Variants in DHCR24 observed in about 807,000 individuals in gnomAD.
DHCR24 encodes 24-dehydrocholesterol reductase.
DHCR24 carries 28 observed loss-of-function variants against 61.2 expected under a neutral mutation model. The observed-to-expected ratio is 0.46, with a 90% confidence interval of 0.34 to 0.63. The LOEUF (loss-of-function observed/expected upper bound fraction) is 0.63, where lower values mean the gene tolerates loss of function less well. Among genes scored for constraint, DHCR24 ranks in the 20% least tolerant of loss-of-function variants. DHCR24 has a pLI of 0.01. For missense variants in DHCR24, 538 were observed against 679.1 expected (o/e 0.79, Z 2.31); for synonymous variants, 261 against 275.9 (o/e 0.95, Z 0.54).
chr1:54,853,314 C>G, intron 8 of DHCR24, 120 bp downstream of exon 8: 4 of 1,330,444 alleles, frequency 3.0e-6, no homozygotes, highest in East Asian at 4.9e-5. Context: ...TGCAGGGGCC[C>G]TAAGGAACCA....
intron 4 of DHCR24, among the ~76,000 whole-genome samples, chr1:54,872,392 C>G (rs1163478133): frequency 6.6e-6 from 1 of 152,080 alleles, no homozygotes; most frequent in African/African-American, 2.4e-5. Flanking sequence ...AAAGAAAGCT[C>G]TTTTGAAAAA....
chr1:54,853,801 C>T (rs1239577890), intron 7 of DHCR24, among the ~76,000 whole-genome samples, 189 bp from the exon 8 acceptor site: 1 of 152,104 alleles, frequency 6.6e-6, no homozygotes, highest in African/African-American at 2.4e-5. Flanking sequence ...CCTTGGAGGA[C>T]ACAATCGGAG....
chr1:54,875,535 T>C (rs1647022228), intron 3 of DHCR24, among the ~76,000 whole-genome samples: 1 of 151,090 alleles, frequency 6.6e-6, no homozygotes, highest in Non-Finnish European at 1.5e-5. Flanking sequence ...AAAAGGGGGG[T>C]TGAAGGGGTG....
rs577403761 is a variant in DHCR24 at position 54,853,188 on chromosome 1, G to GT, written c.1397+245_1397+246insA. 7.9e-5 allele frequency among the ~76,000 whole-genome samples: 12 copies of GT among 152,120 alleles called. No homozygotes were observed. In the East Asian group the frequency reaches 2.3e-3, roughly 29 times the overall value. Reference sequence around the variant, plus strand: ...AGGTTTCTGGCTGGGGCTGCTGGGGGGGTGTGACATGTTCACTGGAGGAGG... The same window carrying GT: ...AGGTTTCTGGCTGGGGCTGCTGGGGGTGGTGTGACATGTTCACTGGAGGAGG... On this transcript the variant is annotated intron_variant, in intron 8 of 8. Coordinates refer to ENST00000371269, the MANE Select transcript of DHCR24 (RefSeq NM_014762.4).
intron 5 of DHCR24, among the ~76,000 whole-genome samples, chr1:54,866,046 T>C (rs1021026273): frequency 1.3e-5 from 2 of 152,182 alleles, no homozygotes; most frequent in Non-Finnish European, 2.9e-5. Context: ...TCTATTGAGC[T>C]GATGTCTCCT....
At position 54,871,612 on chromosome 1, in the gene DHCR24, G is replaced by A. The variant is rs1237235917; in HGVS notation, c.614C>T (p.Ser205Phe). 2.5e-6 allele frequency: 4 copies of A among 1,614,198 alleles called. No individual in the cohort carries two copies. The highest frequency in any genetic ancestry group is 3.4e-6 in the Non-Finnish European group (4 of 1,180,030). Residue 205 changes from serine (S) to phenylalanine (F), a missense_variant and splice_region_variant, in exon 5 of 9, where the codon TCC becomes TTC. Transcript: ENST00000371269. ...ADGSFVRCTP[S>F]ENSDLFYAVP... ...GGCATAGAACAGGTCTGAGTTTTCG[G>A]ACTGTGAGACAGAATTGATGTGTTG...
chr1:54,853,604 G>A lies in DHCR24; in HGVS notation c.1227C>T (p.Pro409=). 1 of 1,613,710 alleles carries A rather than the reference G, an allele frequency of 6.2e-7. No individual in the cohort carries two copies. The highest frequency in any genetic ancestry group is 1.1e-5 in the South Asian group (1 of 90,934). ...GCAGGATGAACGGACACAGCCAGAT[G>A]GGGTAGACCTGGGTAGACCAGGGAG... ...HTFQNDIHVY[P]IWLCPFILPS... Residue 409 remains proline, a synonymous_variant, in exon 8 of 9, where the codon CCC becomes CCT. Transcript: ENST00000371269.
chr1:54,886,047 A>G (rs1647092927), intron 1 of DHCR24, among the ~76,000 whole-genome samples: 1 of 152,134 alleles, frequency 6.6e-6, no homozygotes, highest in South Asian at 2.1e-4. Flanking sequence ...CAAGCAGAAT[A>G]TGGAGGCTGC....
Position 54,883,577 on chromosome 1 carries a change from G to A in DHCR24, c.387+41C>T, listed in dbSNP as rs142614910. On this transcript the variant is annotated intron_variant, in intron 2 of 8. Transcript: ENST00000371269. The surrounding 1 kb of genome is among the most constrained non-coding windows in gnomAD (Gnocchi z 4.3). The stretch of plus-strand genomic sequence containing the variant: ...ATGAGTCACTTGCACCAGGGGCAGT[G>A]CCCCACCTGCTCCCAGAGCCCGGAA... 1.1e-4 allele frequency: 175 copies of A among 1,613,426 alleles called. No homozygotes were observed. Among genetic ancestry groups the A allele is most frequent in the Middle Eastern group, 5.0e-4 (3 of 6,052 alleles).
chr1:54,872,687 C>G (rs1425743662), intron 4 of DHCR24, among the ~76,000 whole-genome samples: 2 of 152,158 alleles, frequency 1.3e-5, no homozygotes, highest in East Asian at 1.9e-4. Context: ...CTACTTATTC[C>G]TCTCAACCAC....
At chr1:54,879,977 AGAAAT>A (rs1285492507) in intron 2 of DHCR24, among the ~76,000 whole-genome samples, 1 of 152,190 alleles carries the variant, frequency 6.6e-6, no homozygotes, top group Non-Finnish European at 1.5e-5. Flanking sequence ...ATGTAAGAAA[AGAAAT>A]GAAATAATAA....
intron 5 of DHCR24, among the ~76,000 whole-genome samples, chr1:54,868,161 G>A (rs868107208): frequency 8.5e-5 from 13 of 152,124 alleles, no homozygotes; most frequent in African/African-American, 1.7e-4. Flanking sequence ...TTTGATCTGC[G>A]ATTTTATGTT....
At position 54,875,160 on chromosome 1, in the gene DHCR24, A is replaced by G; in HGVS notation, c.545T>C (p.Leu182Pro). 1 of 1,614,204 alleles carries G rather than the reference A, an allele frequency of 6.2e-7. No homozygotes were observed. The highest frequency in any genetic ancestry group is 8.5e-7 in the Non-Finnish European group (1 of 1,180,028). Residue 182 changes from leucine (L) to proline (P), a missense_variant, in exon 4 of 9, where the codon CTG (leucine) becomes CCG (proline). Physicochemically the swap from Leu to Pro is moderately conservative, Grantham distance 98 (BLOSUM62 -3). Transcript: ENST00000371269. The stretch of plus-strand genomic sequence containing the variant: ...GTAAGCAGTGCAGATGTGTTGGAAC[A>G]GGCCGTACTTGTGGGATGATGACTC... Reference protein sequence around the residue: ...GIESSSHKYGLFQHICTAYEL... With the variant: ...GIESSSHKYGPFQHICTAYEL...
Position 54,851,799 on chromosome 1 carries a change from T to C in DHCR24, c.*434A>G, listed in dbSNP as rs886046417. 4 of 211,236 alleles carry C rather than the reference T, an allele frequency of 1.9e-5. No individual in the cohort carries two copies. The highest frequency in any genetic ancestry group is 3.8e-5 in the Non-Finnish European group (4 of 104,008). The allele number at this position is 211,236 out of a possible 1,614,324, so 13.1% of individuals were successfully genotyped here. The stretch of plus-strand genomic sequence containing the variant: ...CCATGGCTGTGCACAGGTGACCTAA[T>C]GTGGAGCCTTTTCAGGCTCCACTGC... On this transcript the variant is annotated 3_prime_UTR_variant, in exon 9 of 9. Transcript: ENST00000371269.
intron 5 of DHCR24, among the ~76,000 whole-genome samples, chr1:54,870,386 CA>C (rs1026389733): frequency 6.6e-6 from 1 of 152,156 alleles, no homozygotes; most frequent in African/African-American, 2.4e-5. Context: ...TAAAAACTTT[CA>C]AAAAAATCCA....
At chr1:54,886,828 C>T in intron 1 of DHCR24, 61 bp downstream of exon 1, 2 of 1,584,376 alleles carry the variant, frequency 1.3e-6, no homozygotes, top group South Asian at 2.3e-5. Context: ...ACCTCGCGTC[C>T]CGCTATCCCC....
chr1:54,878,848 A>G (rs545430272), intron 2 of DHCR24, among the ~76,000 whole-genome samples: 55 of 152,314 alleles, frequency 3.6e-4, no homozygotes, highest in African/African-American at 1.2e-3. Context: ...TCAGAATCCA[A>G]TAGAATTTTA....
At chr1:54,873,656 C>A (rs1460534377) in intron 4 of DHCR24, among the ~76,000 whole-genome samples, 1 of 152,160 alleles carries the variant, frequency 6.6e-6, no homozygotes, top group African/African-American at 2.4e-5. Context: ...TATGTCTTGA[C>A]CTTTTTTCTT....
chr1:54,859,914 A>G (rs1646926316), intron 6 of DHCR24, among the ~76,000 whole-genome samples: 1 of 152,032 alleles, frequency 6.6e-6, no homozygotes, highest in Non-Finnish European at 1.5e-5. Context: ...CAACCTTAAC[A>G]CTGCTCTTGG....
Sources: allele counts gnomAD v4.1 joint callset (sites outside exome capture counted in the v4.1 genomes callset), GRCh38; gene constraint gnomAD v4.1.1; non-coding constraint Gnocchi (gnomAD v3.1); transcripts MANE v1.5; gene names NCBI Gene and HGNC (gene_info 2026-07-23, HGNC 2026-07-21).